ODR4: variants seen among roughly 807,000 people sequenced by gnomAD.
The protein encoded by ODR4 is odr-4 GPCR localization factor homolog, also known as protein odr-4 homolog.
ODR4 carries 47 observed loss-of-function variants against 60.2 expected under a neutral mutation model. The ratio of observed to expected loss-of-function variants is 0.78; its 90% CI spans 0.62 to 1.00. ODR4 has a LOEUF of 1.00. Among genes scored for constraint, ODR4 ranks in the 50% least tolerant of loss-of-function variants. The pLI, the probability that ODR4 is intolerant of heterozygous loss-of-function variation, is 0.00. For synonymous variants in ODR4, 178 were observed against 175.5 expected (o/e 1.01, Z -0.11); for missense variants, 488 against 530.8 (o/e 0.92, Z 0.79).
chr1:186,394,349 T>C (rs1208714773), intron 9 of ODR4, among the ~76,000 whole-genome samples: 1 of 152,190 alleles, frequency 6.6e-6, no homozygotes, highest in African/African-American at 2.4e-5. Context: ...ACTTAAAAGA[T>C]GTGTACACAG....
intron 1 of ODR4, among the ~76,000 whole-genome samples, chr1:186,378,157 A>G (rs1246604023): frequency 2.0e-5 from 3 of 152,168 alleles, no homozygotes; most frequent in African/African-American, 7.2e-5. Context: ...TTCAGACTTG[A>G]ATCCATTCTC....
chr1:186,415,422 C>T (rs926623674), intron 12 of ODR4, among the ~76,000 whole-genome samples: 6 of 152,144 alleles, frequency 3.9e-5, no homozygotes, highest in Non-Finnish European at 7.4e-5. Flanking sequence ...TAAATTTAAA[C>T]AGTAATATTT....
intron 5 of ODR4, among the ~76,000 whole-genome samples, 171 bp downstream of exon 5, chr1:186,388,719 G>A (rs907205903): frequency 2.0e-5 from 3 of 152,210 alleles, no homozygotes; most frequent in South Asian, 2.1e-4. Flanking sequence ...TAGCAATAAT[G>A]GTTGTTAATC....
chr1:186,424,358 C>A (rs1046878370), downstream of ODR4, among the ~76,000 whole-genome samples: 1 of 151,110 alleles, frequency 6.6e-6, no homozygotes, highest in Non-Finnish European at 1.5e-5. Context: ...TGTGATAAAA[C>A]TTTTTCTTTT....
Position 186,406,233 on chromosome 1 carries a change from T to C in ODR4, c.1151T>C (p.Ile384Thr). 6.2e-7 allele frequency: 1 copy of C among 1,606,490 alleles called. No homozygotes were observed. Among genetic ancestry groups the C allele is most frequent in the Non-Finnish European group, 8.5e-7 (1 of 1,177,206 alleles). ...FMEMLDHTIQIEDLEIAEETN... is the reference protein window; with the variant it reads ...FMEMLDHTIQTEDLEIAEETN... ...GAGATGTTGGATCACACAATTCAAA[T>C]AGAAGATTTGGAAATTGCAGAGGAA... is the stretch of plus-strand genomic sequence containing the variant. Residue 384 changes from isoleucine (I) to threonine (T), a missense_variant, in exon 12 of 14, where the codon ATA becomes ACA. Coordinates refer to ENST00000287859, the MANE Select transcript of ODR4 (RefSeq NM_017847.6).
At chr1:186,390,587 A>G in intron 6 of ODR4, 124 bp from the exon 7 acceptor site, 1 of 958,076 alleles carries the variant, frequency 1.0e-6, no homozygotes, top group Non-Finnish European at 1.6e-6. Flanking sequence ...TCAAGGGTTT[A>G]GCCATATATG....
At chr1:186,414,383 C>T (rs989777096) in intron 12 of ODR4, among the ~76,000 whole-genome samples, 1 of 151,918 alleles carries the variant, frequency 6.6e-6, no homozygotes, top group Admixed American at 6.6e-5. Context: ...ACAACTAAAA[C>T]AATTTTGTTT....
intron 12 of ODR4, among the ~76,000 whole-genome samples, chr1:186,415,764 C>T (rs1004965617): frequency 6.6e-6 from 1 of 152,250 alleles, no homozygotes; most frequent in African/African-American, 2.4e-5. Context: ...CACACACTTT[C>T]ATTCAGCATT....
chr1:186,378,710 A>C (rs552109797), intron 1 of ODR4, among the ~76,000 whole-genome samples: 2 of 152,310 alleles, frequency 1.3e-5, no homozygotes, highest in African/African-American at 2.4e-5. Context: ...CAGCTTTGTC[A>C]CTTTGGCAAG....
At chr1:186,398,912 A>T in intron 10 of ODR4, 42 bp from the exon 11 acceptor site, 1 of 1,404,860 alleles carries the variant, frequency 7.1e-7, no homozygotes, top group South Asian at 1.3e-5. Context: ...AATCTAAAGT[A>T]TTTTATTTCT....
chr1:186,434,860 T>C, the ODR4 span, among the ~76,000 whole-genome samples: 1 of 151,876 alleles, frequency 6.6e-6, no homozygotes, highest in Non-Finnish European at 1.5e-5. Context: ...GTAGGGGAAA[T>C]AATTGTATGT....
At chr1:186,417,681 A>T (rs1331334036) in intron 13 of ODR4, 27 bp downstream of exon 13, 4 of 1,137,884 alleles carry the variant, frequency 3.5e-6, no homozygotes, top group Non-Finnish European at 1.3e-6. Context: ...CTTTTATAAC[A>T]CTGAAAACAT....
At chr1:186,429,226 G>A in the ODR4 span, among the ~76,000 whole-genome samples, 1 of 151,870 alleles carries the variant, frequency 6.6e-6, no homozygotes, top group East Asian at 1.9e-4. Flanking sequence ...ATTCCAGCCT[G>A]AGTGCACACA....
At chr1:186,400,939 A>G in intron 11 of ODR4, 2 of 1,140,272 alleles carry the variant, frequency 1.8e-6, no homozygotes, top group South Asian at 1.3e-5. Flanking sequence ...TTGTTTTTGC[A>G]ATTTGACTTT....
At chr1:186,434,269 C>G in the ODR4 span, among the ~76,000 whole-genome samples, 1 of 152,108 alleles carries the variant, frequency 6.6e-6, no homozygotes, top group Admixed American at 6.5e-5. Flanking sequence ...GTTTTTCCAT[C>G]ATTTTACATC....
the ODR4 span, among the ~76,000 whole-genome samples, chr1:186,428,760 C>A: frequency 6.6e-6 from 1 of 151,974 alleles, no homozygotes; most frequent in Non-Finnish European, 1.5e-5. Flanking sequence ...ATCAACTGGC[C>A]TAATAATAAT....
At chr1:186,425,048 CT>C (rs1661861320), downstream of ODR4, among the ~76,000 whole-genome samples, 1 of 151,580 alleles carries the variant, frequency 6.6e-6, no homozygotes, top group South Asian at 2.1e-4. Flanking sequence ...TGGCAGAAAT[CT>C]TTGGTAGTTA....
chr1:186,408,129 A>T (rs576782023), intron 12 of ODR4, among the ~76,000 whole-genome samples: 29 of 152,164 alleles, frequency 1.9e-4, no homozygotes, highest in Non-Finnish European at 2.9e-4. Context: ...TGTAAATAAC[A>T]TTATTAATCC....
intron 7 of ODR4, 88 bp downstream of exon 7, chr1:186,390,939 C>G: frequency 7.7e-7 from 1 of 1,297,188 alleles, no homozygotes; most frequent in Non-Finnish European, 1.1e-6. Context: ...ATTTTACAAT[C>G]CTCAAAAATT....
Sources: allele counts gnomAD v4.1 joint callset (sites outside exome capture counted in the v4.1 genomes callset), GRCh38; gene constraint gnomAD v4.1.1; transcripts MANE v1.5; gene names NCBI Gene and HGNC (gene_info 2026-07-23, HGNC 2026-07-21).